Variants in SEMA7A observed in about 807,000 individuals in gnomAD.
SEMA7A encodes the protein semaphorin 7A (JohnMiltonHagen blood group).
In SEMA7A, 21 loss-of-function variants were observed where a neutral mutation model predicts 67.5. The ratio of observed to expected loss-of-function variants is 0.31; its 90% CI spans 0.22 to 0.45. The LOEUF (loss-of-function observed/expected upper bound fraction) is 0.45, where lower values mean the gene tolerates loss of function less well. Ranked by LOEUF, SEMA7A falls within the 20% of genes least tolerant of loss-of-function variation. The probability of loss-of-function intolerance (pLI) is 1.00; values close to 1 mark genes in which losing one functional copy is unlikely to be tolerated. For synonymous variants in SEMA7A, 364 were observed against 368.5 expected (o/e 0.99, Z 0.14); for missense variants, 774 against 908.6 (o/e 0.85, Z 1.90).
chr15:74,424,452 G>C (rs748273330), intron 1 of SEMA7A, among the ~76,000 whole-genome samples: 1 of 152,166 alleles, frequency 6.6e-6, no homozygotes, highest in Non-Finnish European at 1.5e-5. Flanking sequence ...ATTCTCATCT[G>C]CTTCCACTGA....
chr15:74,410,458 A>T lies in SEMA7A; in HGVS notation c.*166T>A. 1 of 1,042,120 alleles carries T rather than the reference A, an allele frequency of 9.6e-7. No homozygotes were observed. The highest frequency in any genetic ancestry group is 1.4e-6 in the Non-Finnish European group (1 of 734,500). The allele number at this position is 1,042,120 out of a possible 1,614,324, so 64.6% of individuals were successfully genotyped here. Reference sequence around the variant, plus strand: ...ATCCGTGCGCCACCTGGGGCCCAGCAGCCGCCTGCGGCTGGACGTCTCCAG... The same window carrying T: ...ATCCGTGCGCCACCTGGGGCCCAGCTGCCGCCTGCGGCTGGACGTCTCCAG... On this transcript the variant is annotated 3_prime_UTR_variant, in exon 14 of 14. Coordinates refer to ENST00000261918, the MANE Select transcript of SEMA7A (RefSeq NM_003612.5). The surrounding 1 kb of genome is among the most constrained non-coding windows in gnomAD (Gnocchi z 7.5).
chr15:74,421,221 A>G (rs1173818115), intron 1 of SEMA7A, among the ~76,000 whole-genome samples: 1 of 152,142 alleles, frequency 6.6e-6, no homozygotes, highest in Non-Finnish European at 1.5e-5. Flanking sequence ...TACCCTGGGA[A>G]TACATCTGAG....
chr15:74,410,991 G>A lies in SEMA7A; in HGVS notation c.1640-6C>T, dbSNP rs2060894871. Reference sequence around the variant, plus strand: ...CTTCTGCAGTGGGGCCTTGTCTGGGGAGGCAGTGGGGAAGCAGCCGTGAGG... The same window carrying A: ...CTTCTGCAGTGGGGCCTTGTCTGGGAAGGCAGTGGGGAAGCAGCCGTGAGG... On this transcript the variant is annotated splice_polypyrimidine_tract_variant and splice_region_variant and intron_variant, in intron 13 of 13. Coordinates refer to ENST00000261918, the MANE Select transcript of SEMA7A (RefSeq NM_003612.5). The surrounding 1 kb of genome is among the most constrained non-coding windows in gnomAD (Gnocchi z 7.5). 2 of 1,608,976 alleles carry A rather than the reference G, an allele frequency of 1.2e-6. No homozygotes were observed. Among genetic ancestry groups the A allele is most frequent in the East Asian group, 2.2e-5 (1 of 44,788 alleles).
rs1251013101 is a variant in SEMA7A at position 74,411,438 on chromosome 15, A to G, written c.1578-82T>C. On this transcript the variant is annotated intron_variant, in intron 12 of 13. Transcript: ENST00000261918. This position sits in a 1 kb window ranked among gnomAD's most constrained non-coding sequence, Gnocchi z 4.4. ...CCTATCCTTACCCCAGTGCAGTTCC[A>G]GCAGAGAGGAGGGTCCCACAAGAAA... 1 of 1,556,360 alleles carries G rather than the reference A, an allele frequency of 6.4e-7. No homozygotes were observed. Among genetic ancestry groups the G allele is most frequent in the African/African-American group, 1.4e-5 (1 of 73,428 alleles).
At chr15:74,418,210 G>C in intron 3 of SEMA7A, 58 bp downstream of exon 3, 1 of 1,541,200 alleles carries the variant, frequency 6.5e-7, no homozygotes, top group Middle Eastern at 1.7e-4. Context: ...AGACCCTCAG[G>C]GTCTCCTCTC....
chr15:74,410,687 G>A lies in SEMA7A; in HGVS notation c.1938C>T (p.Ala646=). The change falls in exon 14 of 14, where the codon GCC becomes GCT. Residue 646 remains alanine (A), a synonymous_variant. Transcript: ENST00000261918. The surrounding 1 kb of genome is among the most constrained non-coding windows in gnomAD (Gnocchi z 7.5). ...CCCCCAGCCAGAGGGAGGCGGCCAG[G>A]GCACAGGCATGACCCAGCAGGTGCT... The part of the protein sequence containing the change: ...MAEHLLGHAC[A]LAASLWLGVL... 4.3e-6 allele frequency: 7 copies of A among 1,612,002 alleles called. No individual in the cohort carries two copies. Among genetic ancestry groups the A allele is most frequent in the Non-Finnish European group, 5.9e-6 (7 of 1,178,540 alleles).
At chr15:74,427,914 G>C (rs1413707930) in intron 1 of SEMA7A, among the ~76,000 whole-genome samples, 1 of 152,242 alleles carries the variant, frequency 6.6e-6, no homozygotes, top group African/African-American at 2.4e-5. Flanking sequence ...CTCTCCCCCA[G>C]AGGAGCCGAA....
chr15:74,414,149 C>T lies in SEMA7A; in HGVS notation c.1294+398G>A, dbSNP rs2060925359. On this transcript the variant is annotated intron_variant, in intron 10 of 13. Transcript: ENST00000261918. The surrounding 1 kb of genome is among the most constrained non-coding windows in gnomAD (Gnocchi z 4.1). The stretch of plus-strand genomic sequence containing the variant: ...ACCTGCACAATCCCAAAGACAGGCG[C>T]AGGGCCTGACTCCCTCATTCTGCCT... Among the ~76,000 whole-genome samples, 1 of 152,222 alleles carries T rather than the reference C, an allele frequency of 6.6e-6. No individual in the cohort carries two copies. Among genetic ancestry groups the T allele is most frequent in the Non-Finnish European group, 1.5e-5 (1 of 68,046 alleles).
intron 10 of SEMA7A, 65 bp from the exon 11 acceptor site, chr15:74,412,077 TAGGCCGGGG>T (rs1006148831): frequency 8.8e-6 from 14 of 1,596,170 alleles, no homozygotes; most frequent in African/African-American, 2.7e-5. Context: ...AGCTTTCCTC[TAGGCCGGGG>T]AGGGGTGGGA....
rs763004357 is a variant in SEMA7A at position 74,414,882 on chromosome 15, G to C, written c.1051C>G (p.Leu351Val). 1 of 1,614,218 alleles carries C rather than the reference G, an allele frequency of 6.2e-7. No homozygotes were observed. The highest frequency in any genetic ancestry group is 1.1e-5 in the South Asian group (1 of 91,090). The change falls in exon 9 of 14, where the codon CTC (leucine) becomes GTC (valine). Residue 351 changes from leucine to valine, a missense_variant. By Grantham distance (32) the Leu-to-Val change is conservative (BLOSUM62 1). Transcript: ENST00000261918. The surrounding 1 kb of genome is among the most constrained non-coding windows in gnomAD (Gnocchi z 4.1). Reference sequence around the variant, plus strand: ...GGAAGGCTTGAGTGGTAGCCCTTGAGTGAGGAGGTACGGAAGACCTTGTCA... The same window carrying C: ...GGAAGGCTTGAGTGGTAGCCCTTGACTGAGGAGGTACGGAAGACCTTGTCA... ...DIDKVFRTSSLKGYHSSLPNP... is the reference protein window; with the variant it reads ...DIDKVFRTSSVKGYHSSLPNP...
intron 6 of SEMA7A, among the ~76,000 whole-genome samples, chr15:74,417,040 T>C (rs1300146385): frequency 1.3e-5 from 2 of 152,152 alleles, no homozygotes; most frequent in Non-Finnish European, 2.9e-5. Flanking sequence ...AGTTGGGGGC[T>C]GCCTCCACGT....
chr15:74,426,495 C>T (rs1187428999), intron 1 of SEMA7A, among the ~76,000 whole-genome samples: 1 of 152,160 alleles, frequency 6.6e-6, no homozygotes, highest in Non-Finnish European at 1.5e-5. Context: ...GAGGTGCTCT[C>T]CATCTTAAAG....
intron 1 of SEMA7A, among the ~76,000 whole-genome samples, chr15:74,426,972 T>C (rs537716181): frequency 3.9e-5 from 6 of 152,316 alleles, no homozygotes; most frequent in African/African-American, 1.4e-4. Context: ...CCACCTCATC[T>C]CTGCACAGCT....
In SEMA7A at chr15:74,414,909, T is replaced by C; in HGVS notation, c.1024A>G (p.Ile342Val). ...SAVCVYSLGD[I>V]DKVFRTSSLK... Reference sequence around the variant, plus strand: ...GAGGAGGTACGGAAGACCTTGTCAATGTCACCGAGGGAATACACACAGACG... The same window carrying C: ...GAGGAGGTACGGAAGACCTTGTCAACGTCACCGAGGGAATACACACAGACG... Residue 342 changes from isoleucine (I) to valine (V), a missense_variant, in exon 9 of 14, where the codon ATT (isoleucine) becomes GTT (valine). Coordinates refer to ENST00000261918, the MANE Select transcript of SEMA7A (RefSeq NM_003612.5). This position sits in a 1 kb window ranked among gnomAD's most constrained non-coding sequence, Gnocchi z 4.1. 6.2e-7 allele frequency: 1 copy of C among 1,614,158 alleles called. No homozygotes were observed. Among genetic ancestry groups the C allele is most frequent in the Non-Finnish European group, 8.5e-7 (1 of 1,180,012 alleles).
Position 74,410,878 on chromosome 15 carries a change from C to A in SEMA7A, c.1747G>T (p.Val583Leu). Residue 583 changes from valine (V) to leucine (L), a missense_variant, in exon 14 of 14, where the codon GTG becomes TTG. Transcript: ENST00000261918. This position sits in a 1 kb window ranked among gnomAD's most constrained non-coding sequence, Gnocchi z 7.5. Reference protein sequence around the residue: ...ATYSWRHKENVEQSCEPGHQS... With the variant: ...ATYSWRHKENLEQSCEPGHQS... Reference sequence around the variant, plus strand: ...TGACCAGGTTCGCAGCTCTGCTCCACGTTCTCCTTGTGGCGCCATGAGTAG... The same window carrying A: ...TGACCAGGTTCGCAGCTCTGCTCCAAGTTCTCCTTGTGGCGCCATGAGTAG... 6.2e-7 allele frequency: 1 copy of A among 1,614,212 alleles called. No homozygotes were observed. The highest frequency in any genetic ancestry group is 8.5e-7 in the Non-Finnish European group (1 of 1,180,044).
In SEMA7A at chr15:74,433,906, G is replaced by C. The variant is rs2061117232; in HGVS notation, c.13C>G (p.Pro5Ala). MTPP[P>A]PGRAAPSAPR... ...GCGCTGGGGGCGGCACGTCCGGGCGGAGGAGGCGTCATCCCGTGGCCCCGG... is the reference window on the plus strand; with the variant it reads ...GCGCTGGGGGCGGCACGTCCGGGCGCAGGAGGCGTCATCCCGTGGCCCCGG... Residue 5 changes from proline (P) to alanine (A), a missense_variant, in exon 1 of 14, where the codon CCG (proline) becomes GCG (alanine). By Grantham distance (27) the Pro-to-Ala change is conservative. Transcript: ENST00000261918. The C allele has an allele frequency of 1.6e-6, 2 of 1,254,400 alleles. No homozygotes were observed. The highest frequency in any genetic ancestry group is 3.1e-5 in the African/African-American group (2 of 64,186). The allele number at this position is 1,254,400 out of a possible 1,614,324, so 77.7% of individuals were successfully genotyped here.
chr15:74,414,573 G>A lies in SEMA7A; in HGVS notation c.1268C>T (p.Thr423Ile). 6.2e-7 allele frequency: 1 copy of A among 1,614,212 alleles called. No individual in the cohort carries two copies. The highest frequency in any genetic ancestry group is 1.6e-4 in the Middle Eastern group (1 of 6,062). The change falls in exon 10 of 14, where the codon ACC becomes ATC. Residue 423 changes from threonine (T) to isoleucine (I), a missense_variant. Thr to Ile is a moderately conservative substitution (Grantham distance 89). Coordinates refer to ENST00000261918, the MANE Select transcript of SEMA7A (RefSeq NM_003612.5). This position sits in a 1 kb window ranked among gnomAD's most constrained non-coding sequence, Gnocchi z 4.1. ...VHRMQASHGETFHVLYLTTDR... is the reference protein window; with the variant it reads ...VHRMQASHGEIFHVLYLTTDR... ...TGTAGTTAGGTAAAGCACATGAAAG[G>A]TCTCCCCGTGGCTGGCTTGCATGCG...
rs186012518 is a variant in SEMA7A, at chr15:74,410,254, G to T, written c.*370C>A. The T allele has an allele frequency of 4.7e-6, 1 of 214,230 alleles. No individual in the cohort carries two copies. The highest frequency in any genetic ancestry group is 2.3e-5 in the African/African-American group (1 of 43,428). 13.3% of individuals were successfully genotyped at this position (214,230 alleles called of 1,614,324 possible). A position where few individuals can be genotyped will look rare whatever the true frequency, so the allele number is the denominator to read the frequency against. ...GGACTCAGGCCTCAGCCCCAGGGTC[G>T]AGATGGAGTCCCAGCTCTCCTATCC... On this transcript the variant is annotated 3_prime_UTR_variant, in exon 14 of 14. Transcript: ENST00000261918. This position sits in a 1 kb window ranked among gnomAD's most constrained non-coding sequence, Gnocchi z 7.5.
chr15:74,433,524 C>G, intron 1 of SEMA7A: 1 of 1,199,730 alleles, frequency 8.3e-7, no homozygotes. Flanking sequence ...CCGGCCCCCG[C>G]CGCTCGCTCG....
Sources: gnomAD v4.1 joint callset for allele counts (sites outside exome capture counted in the v4.1 genomes callset) on GRCh38, gnomAD v4.1.1 for gene constraint, Gnocchi (gnomAD v3.1) non-coding constraint, MANE v1.5 for transcripts, NCBI Gene and HGNC (gene_info 2026-07-23, HGNC 2026-07-21) for gene names.